The following CADM2 variants were observed in gnomAD, a reference collection of about 807,000 sequenced individuals.
CADM2 encodes the protein cell adhesion molecule 2.
CADM2 carries 12 observed loss-of-function variants against 49.8 expected under a neutral mutation model. The observed-to-expected ratio is 0.24, with a 90% CI of 0.15 to 0.39. The LOEUF (loss-of-function observed/expected upper bound fraction) is 0.39, where lower values mean the gene tolerates loss of function less well. Among genes scored for constraint, CADM2 ranks in the 10% least tolerant of loss-of-function variants. The probability of loss-of-function intolerance (pLI) is 1.00; values close to 1 mark genes in which losing one functional copy is unlikely to be tolerated. For missense variants in CADM2, 378 were observed against 492.3 expected, an observed-to-expected ratio of 0.77 and a Z score of 2.20; for synonymous variants, 214 against 175.4, an observed-to-expected ratio of 1.22 and a Z score of -1.74.
At chr3:85,870,657 C>A (rs142154202) in intron 3 of CADM2, among the ~76,000 whole-genome samples, 9 of 152,212 alleles carry the variant, frequency 5.9e-5, no homozygotes, top group Admixed American at 3.3e-4. Flanking sequence ...CAATGATGGA[C>A]ATTTAGGTTA....
At chr3:85,557,528 T>C (rs1394083342) in intron 1 of CADM2, among the ~76,000 whole-genome samples, 4 of 151,658 alleles carry the variant, frequency 2.6e-5, no homozygotes, top group Non-Finnish European at 5.9e-5. Context: ...TAATGTAAAG[T>C]AAAATTTATT....
At chr3:85,507,128 G>T (rs1411322783) in intron 1 of CADM2, among the ~76,000 whole-genome samples, 1 of 150,794 alleles carries the variant, frequency 6.6e-6, no homozygotes, top group South Asian at 2.1e-4. Flanking sequence ...CTGTGAAAAA[G>T]AATCCATATG....
chr3:86,016,781 G>A (rs778428869), intron 8 of CADM2, among the ~76,000 whole-genome samples: 5 of 152,018 alleles, frequency 3.3e-5, no homozygotes, highest in East Asian at 3.8e-4. Context: ...TTAATATGTC[G>A]CTGCTATATA....
intron 6 of CADM2, among the ~76,000 whole-genome samples, chr3:85,929,507 G>T (rs2108523417): frequency 6.6e-6 from 1 of 151,942 alleles, no homozygotes; most frequent in Non-Finnish European, 1.5e-5. Flanking sequence ...TCATATCTGG[G>T]TCAGTAAAAA....
chr3:85,444,529 A>C (rs1278699392), intron 1 of CADM2, among the ~76,000 whole-genome samples: 2 of 151,958 alleles, frequency 1.3e-5, no homozygotes, highest in Non-Finnish European at 2.9e-5. Flanking sequence ...GTTCTCTGAG[A>C]TATCCCCATA....
intron 1 of CADM2, among the ~76,000 whole-genome samples, chr3:85,644,964 A>G (rs2064839276): frequency 6.6e-6 from 1 of 152,100 alleles, no homozygotes; most frequent in African/African-American, 2.4e-5. Flanking sequence ...GCACCATTAT[A>G]TAAGATTTTT....
At chr3:85,221,674 A>G (rs552591584) in intron 1 of CADM2, among the ~76,000 whole-genome samples, 1 of 152,312 alleles carries the variant, frequency 6.6e-6, no homozygotes, top group South Asian at 2.1e-4. Context: ...AAGAAAAAGT[A>G]AAGCTATGTA....
At chr3:85,504,689 T>C (rs1274064959) in intron 1 of CADM2, among the ~76,000 whole-genome samples, 1 of 152,116 alleles carries the variant, frequency 6.6e-6, no homozygotes, top group Non-Finnish European at 1.5e-5. Context: ...TCCGCAGCCC[T>C]TGGGTGGTCG....
chr3:85,286,964 A>T (rs1186184637), intron 1 of CADM2, among the ~76,000 whole-genome samples: 1 of 152,170 alleles, frequency 6.6e-6, no homozygotes, highest in Admixed American at 6.5e-5. Context: ...AACCCAAAGG[A>T]CCTATCCATA....
At chr3:85,925,213 G>A (rs1719669950) in intron 6 of CADM2, among the ~76,000 whole-genome samples, 1 of 152,094 alleles carries the variant, frequency 6.6e-6, no homozygotes, top group Admixed American at 6.6e-5. Context: ...TATTGAGTTT[G>A]AATTATTTTG....
chr3:85,423,333 G>T (rs1266956527), intron 1 of CADM2, among the ~76,000 whole-genome samples: 1 of 152,096 alleles, frequency 6.6e-6, no homozygotes, highest in African/African-American at 2.4e-5. Context: ...CAGTATTTGG[G>T]CATGAAAGCA....
chr3:85,581,475 T>C (rs563059868), intron 1 of CADM2, among the ~76,000 whole-genome samples: 4 of 151,290 alleles, frequency 2.6e-5, no homozygotes, highest in African/African-American at 7.3e-5. Flanking sequence ...AAAGAACATA[T>C]GAAGCAAGAG....
chr3:85,384,460 C>T (rs1263731130), intron 1 of CADM2, among the ~76,000 whole-genome samples: 1 of 151,890 alleles, frequency 6.6e-6, no homozygotes, highest in Admixed American at 6.6e-5. Flanking sequence ...TACAGACACC[C>T]GCCACCACGC....
At chr3:85,105,889 A>G (rs551731783) in intron 1 of CADM2, among the ~76,000 whole-genome samples, 1 of 152,038 alleles carries the variant, frequency 6.6e-6, no homozygotes, top group East Asian at 1.9e-4. Flanking sequence ...GTGGGAATTG[A>G]ACAATGAGAA....
intron 1 of CADM2, among the ~76,000 whole-genome samples, chr3:85,392,759 A>G (rs2034577349): frequency 6.6e-6 from 1 of 152,158 alleles, no homozygotes; most frequent in South Asian, 2.1e-4. Context: ...ATAAACTTAG[A>G]AAATCCATTT....
At chr3:84,963,999 A>T (rs1275942895) in intron 1 of CADM2, among the ~76,000 whole-genome samples, 1 of 152,176 alleles carries the variant, frequency 6.6e-6, no homozygotes, top group Non-Finnish European at 1.5e-5. Flanking sequence ...TAATTAAGAA[A>T]ATCTTTGCAA....
chr3:85,394,869 A>G (rs2034693057), intron 1 of CADM2, among the ~76,000 whole-genome samples: 1 of 152,196 alleles, frequency 6.6e-6, no homozygotes, highest in Non-Finnish European at 1.5e-5. Context: ...ATGTAGAATT[A>G]TAAAAATGTG....
intron 8 of CADM2, chr3:86,014,025 C>T: frequency 7.3e-7 from 1 of 1,371,888 alleles, no homozygotes; most frequent in Non-Finnish European, 9.9e-7. Context: ...TTGATCACAA[C>T]TGCTTTTAGA....
At chr3:85,867,036 T>C (rs1276971102) in intron 3 of CADM2, among the ~76,000 whole-genome samples, 2 of 152,156 alleles carry the variant, frequency 1.3e-5, no homozygotes, top group Non-Finnish European at 1.5e-5. Flanking sequence ...AGGGATAATA[T>C]ATAACATTTA....
Sources: allele counts gnomAD v4.1 joint callset (sites outside exome capture counted in the v4.1 genomes callset), GRCh38; gene constraint gnomAD v4.1.1; transcripts MANE v1.5; gene names NCBI Gene and HGNC (gene_info 2026-07-23, HGNC 2026-07-21).